The following NXPE2 variants were observed in gnomAD, a reference collection of about 807,000 sequenced individuals.
NXPE2 encodes the protein neurexophilin and PC-esterase domain family member 2, also known as NXPE family member 2.
In NXPE2, 34 loss-of-function variants were observed where a neutral mutation model predicts 34.4. The ratio of observed to expected loss-of-function variants is 0.99; its 90% CI spans 0.75 to 1.31. The LOEUF (loss-of-function observed/expected upper bound fraction) is 1.31, where lower values mean the gene tolerates loss of function less well. Among genes scored for constraint, NXPE2 ranks in the 40% most tolerant of loss-of-function variants. The pLI is 0.00. For synonymous variants in NXPE2, 235 were observed against 231.3 expected (o/e 1.02, Z -0.15); for missense variants, 649 against 672.5 (o/e 0.97, Z 0.39).
the NXPE2 span, among the ~76,000 whole-genome samples, chr11:114,776,358 A>C: frequency 6.6e-6 from 1 of 152,202 alleles, no homozygotes; most frequent in African/African-American, 2.4e-5. Flanking sequence ...AGCTCTCCAG[A>C]GTGGGAGGCT....
chr11:114,594,060 A>G, the NXPE2 span, among the ~76,000 whole-genome samples: 39 of 152,248 alleles, frequency 2.6e-4, no homozygotes, highest in African/African-American at 9.1e-4. Context: ...AAGTGGGGTT[A>G]GTTAATGAGT....
chr11:114,494,947 T>C, the NXPE2 span, among the ~76,000 whole-genome samples: 1 of 152,254 alleles, frequency 6.6e-6, no homozygotes, highest in Non-Finnish European at 1.5e-5. Context: ...CCAGTAATAC[T>C]GTGGCTCTTG....
At chr11:114,488,828 A>G in the NXPE2 span, among the ~76,000 whole-genome samples, 1 of 152,198 alleles carries the variant, frequency 6.6e-6, no homozygotes. Flanking sequence ...CACATTCAAA[A>G]GCTAGCAGAA....
the NXPE2 span, among the ~76,000 whole-genome samples, chr11:114,540,869 T>C: frequency 1.2e-5 from 1 of 83,928 alleles, no homozygotes; most frequent in Admixed American, 1.3e-4. Context: ...TTTTTTTTTT[T>C]TTTTTTTTTT....
chr11:114,573,813 A>G, the NXPE2 span, among the ~76,000 whole-genome samples: 2 of 152,142 alleles, frequency 1.3e-5, no homozygotes, highest in African/African-American at 4.8e-5. Context: ...CAAGACAGAA[A>G]GTCAACAAAG....
the NXPE2 span, among the ~76,000 whole-genome samples, chr11:114,509,536 G>C: frequency 6.6e-6 from 1 of 152,176 alleles, no homozygotes; most frequent in East Asian, 1.9e-4. Flanking sequence ...GCCCATCAGT[G>C]ATAGACTGGC....
the NXPE2 span, among the ~76,000 whole-genome samples, chr11:114,657,545 T>G: frequency 5.9e-5 from 9 of 152,286 alleles, no homozygotes; most frequent in East Asian, 9.6e-4. Context: ...TTATAGCAAT[T>G]AGGCCCACAC....
intron 5 of NXPE2, 33 bp from the exon 6 acceptor site, chr11:114,706,362 T>A: frequency 6.8e-7 from 1 of 1,472,804 alleles, no homozygotes; most frequent in Non-Finnish European, 9.0e-7. Context: ...ATTTTCCTTT[T>A]GTTAAAATAT....
the NXPE2 span, among the ~76,000 whole-genome samples, chr11:114,496,304 A>G: frequency 6.6e-6 from 1 of 152,072 alleles, no homozygotes; most frequent in East Asian, 1.9e-4. Context: ...CTTAGTTTCA[A>G]TGCTATGTCC....
the NXPE2 span, among the ~76,000 whole-genome samples, chr11:114,556,528 C>T: frequency 1.3e-5 from 2 of 151,810 alleles, no homozygotes; most frequent in Non-Finnish European, 2.9e-5. Context: ...CAGTTTTCTG[C>T]TTGAATTCAA....
the NXPE2 span, among the ~76,000 whole-genome samples, chr11:114,651,474 C>A: frequency 6.6e-6 from 1 of 152,188 alleles, no homozygotes; most frequent in South Asian, 2.1e-4. Flanking sequence ...GAGTAAGCAG[C>A]AGCAAGATTT....
chr11:114,502,515 G>A, the NXPE2 span, among the ~76,000 whole-genome samples: 12 of 152,104 alleles, frequency 7.9e-5, no homozygotes, highest in Admixed American at 7.9e-4. Context: ...GACTTTCTAA[G>A]ATTATGAGAC....
chr11:114,621,689 GT>G, the NXPE2 span, among the ~76,000 whole-genome samples: 1 of 152,116 alleles, frequency 6.6e-6, no homozygotes, highest in East Asian at 1.9e-4. Context: ...TGCCTCATTG[GT>G]AACCACTGTT....
At chr11:114,633,837 G>A in the NXPE2 span, among the ~76,000 whole-genome samples, 2 of 151,982 alleles carry the variant, frequency 1.3e-5, no homozygotes, top group African/African-American at 4.8e-5. Flanking sequence ...GTGTATATGT[G>A]CCACATTATC....
the NXPE2 span, chr11:114,521,998 C>T: frequency 6.2e-7 from 1 of 1,613,056 alleles, no homozygotes; most frequent in South Asian, 1.1e-5. Context: ...ACATGTTAAT[C>T]TGATTTCCAA....
the NXPE2 span, among the ~76,000 whole-genome samples, chr11:114,602,537 C>G: frequency 1.5e-5 from 2 of 137,528 alleles, no homozygotes; most frequent in African/African-American, 5.2e-5. Context: ...TGATAATTAT[C>G]TCATATACAA....
At chr11:114,556,743 T>C in the NXPE2 span, among the ~76,000 whole-genome samples, 948 of 152,170 alleles carry the variant, frequency 6.2e-3, 10 homozygotes, top group African/African-American at 0.022. Flanking sequence ...AATATTAGTC[T>C]CATCTAAGCC....
At chr11:114,581,047 A>G in the NXPE2 span, among the ~76,000 whole-genome samples, 22 of 152,224 alleles carry the variant, frequency 1.4e-4, no homozygotes, top group Non-Finnish European at 2.4e-4. Flanking sequence ...ACATTTCTAC[A>G]TCTAGGTACA....
chr11:114,523,780 T>C, the NXPE2 span, among the ~76,000 whole-genome samples: 2 of 152,190 alleles, frequency 1.3e-5, no homozygotes, highest in African/African-American at 4.8e-5. Flanking sequence ...ATTTCTCCTG[T>C]CATGTTTCCT....
Sources: gnomAD v4.1 joint callset for allele counts (sites outside exome capture counted in the v4.1 genomes callset) on GRCh38, gnomAD v4.1.1 for gene constraint, MANE v1.5 for transcripts, NCBI Gene and HGNC (gene_info 2026-07-23, HGNC 2026-07-21) for gene names.